Variants in APBB1IP observed in about 807,000 individuals in gnomAD.
APBB1IP encodes the protein amyloid beta A4 precursor protein-binding family B member 1-interacting protein.
Under a neutral mutation model 64.9 loss-of-function variants are expected in APBB1IP, and 27 were observed. That is an observed-to-expected ratio of 0.42 (90% confidence interval 0.31 to 0.57). The LOEUF (loss-of-function observed/expected upper bound fraction) is 0.57, where lower values mean the gene tolerates loss of function less well. Among genes scored for constraint, APBB1IP ranks in the 20% least tolerant of loss-of-function variants. APBB1IP has a pLI of 0.20. For missense variants in APBB1IP, 812 were observed against 845.5 expected (o/e 0.96, Z 0.49); for synonymous variants, 392 against 331.0 (o/e 1.18, Z -2.00).
intron 2 of APBB1IP, among the ~76,000 whole-genome samples, chr10:26,480,125 G>A (rs1280424701): frequency 6.6e-6 from 1 of 152,198 alleles, no homozygotes; most frequent in Non-Finnish European, 1.5e-5. Context: ...GCAAGGAGCA[G>A]AGCAGAGCGT....
intron 8 of APBB1IP, among the ~76,000 whole-genome samples, chr10:26,521,532 C>T (rs904942744): frequency 2.6e-5 from 4 of 152,094 alleles, no homozygotes; most frequent in Admixed American, 2.0e-4. Flanking sequence ...CTGTGCACAG[C>T]TGTGTCATTC....
chr10:26,496,329 C>T lies in APBB1IP; in HGVS notation c.98C>T (p.Pro33Leu), dbSNP rs201471966. The change falls in exon 4 of 15, where the codon CCT becomes CTT. Residue 33 changes from proline (P) to leucine (L), a missense_variant. Pro to Leu is a moderately conservative substitution (Grantham distance 98, BLOSUM62 -3). Coordinates refer to ENST00000376236, the MANE Select transcript of APBB1IP (RefSeq NM_019043.4). ...AGTTTAGGAGTTGACACTCTCCCTC[C>T]TCCTGACCCTAATCCACCCAGAGCT... The part of the protein sequence containing the change: ...TQSLGVDTLP[P>L]PDPNPPRAEF... 1.1e-4 allele frequency: 170 copies of T among 1,612,856 alleles called. No homozygotes were observed. The Middle Eastern group carries it at 1.5e-3, about 14-fold the overall frequency.
At chr10:26,469,372 A>G (rs979421849) in intron 2 of APBB1IP, among the ~76,000 whole-genome samples, 2 of 146,660 alleles carry the variant, frequency 1.4e-5, no homozygotes, top group African/African-American at 5.1e-5. Flanking sequence ...CATTCTCCCA[A>G]CCTCAACCTC....
intron 8 of APBB1IP, 95 bp from the exon 9 acceptor site, chr10:26,533,344 C>A: frequency 1.5e-6 from 1 of 681,536 alleles, no homozygotes; most frequent in Non-Finnish European, 2.3e-6. Context: ...GTTTCACACA[C>A]TTAACATCTT....
At chr10:26,497,113 G>C (rs954593110) in intron 4 of APBB1IP, among the ~76,000 whole-genome samples, 1 of 151,486 alleles carries the variant, frequency 6.6e-6, no homozygotes, top group Non-Finnish European at 1.5e-5. Context: ...GAAGATCAAG[G>C]CTGCACTGAG....
intron 14 of APBB1IP, among the ~76,000 whole-genome samples, chr10:26,564,622 T>TAGAGACAG (rs1837016640): frequency 6.6e-6 from 1 of 151,980 alleles, no homozygotes; most frequent in Non-Finnish European, 1.5e-5. Flanking sequence ...GGCCAATATG[T>TAGAGACAG]AGAAACCCTG....
Position 26,560,214 on chromosome 10 carries a change from G to A in APBB1IP, c.1254+11G>A, listed in dbSNP as rs978467051. 2.5e-6 allele frequency: 4 copies of A among 1,611,716 alleles called. No homozygotes were observed. Among genetic ancestry groups the A allele is most frequent in the Non-Finnish European group, 2.5e-6 (3 of 1,177,878 alleles). On this transcript the variant is annotated intron_variant, in intron 12 of 14. Coordinates refer to ENST00000376236, the MANE Select transcript of APBB1IP (RefSeq NM_019043.4). ...ATACGGATAGCCAAGGTGAGAGAGC[G>A]TTCGGACTTCACCCTGTCTTGAACT...
chr10:26,457,546 G>C (rs1835541227), intron 2 of APBB1IP, among the ~76,000 whole-genome samples: 1 of 152,148 alleles, frequency 6.6e-6, no homozygotes, highest in Non-Finnish European at 1.5e-5. Flanking sequence ...GGGTTTCTCT[G>C]TGCTGACTTT....
intron 11 of APBB1IP, among the ~76,000 whole-genome samples, chr10:26,543,591 G>A (rs1836724904): frequency 6.6e-6 from 1 of 151,878 alleles, no homozygotes; most frequent in Non-Finnish European, 1.5e-5. Flanking sequence ...AATAGTGGTG[G>A]GAATGCGGCA....
At chr10:26,508,332 G>A (rs1176565250) in intron 6 of APBB1IP, among the ~76,000 whole-genome samples, 1 of 150,226 alleles carries the variant, frequency 6.7e-6, no homozygotes, top group Non-Finnish European at 1.5e-5. Flanking sequence ...TACTTTTATT[G>A]TTTTTTTAAA....
chr10:26,443,894 T>C (rs920067108), intron 2 of APBB1IP, among the ~76,000 whole-genome samples: 2 of 152,168 alleles, frequency 1.3e-5, no homozygotes, highest in African/African-American at 2.4e-5. Context: ...TGCTAAGCAC[T>C]ATTATAGACG....
chr10:26,470,003 C>T (rs1162316041), intron 2 of APBB1IP, among the ~76,000 whole-genome samples: 2 of 152,154 alleles, frequency 1.3e-5, no homozygotes, highest in Admixed American at 1.3e-4. Flanking sequence ...AACACAGGGG[C>T]CAGGTTGTTC....
intron 7 of APBB1IP, 104 bp downstream of exon 7, chr10:26,512,010 A>C: frequency 3.9e-6 from 5 of 1,292,672 alleles, no homozygotes; most frequent in South Asian, 3.0e-5. Flanking sequence ...TTATATAAAA[A>C]ATAGACACAT....
At chr10:26,512,320 T>C (rs1375239990) in intron 7 of APBB1IP, among the ~76,000 whole-genome samples, 2 of 152,134 alleles carry the variant, frequency 1.3e-5, no homozygotes, top group Non-Finnish European at 2.9e-5. Context: ...GGCTGGATGA[T>C]ACTTACTAAG....
intron 2 of APBB1IP, among the ~76,000 whole-genome samples, chr10:26,455,300 C>T (rs577849172): frequency 7.9e-4 from 120 of 152,162 alleles, no homozygotes; most frequent in African/African-American, 2.7e-3. Context: ...GAGGCCGAGG[C>T]GGGCGGATCA....
At chr10:26,490,486 G>C (rs1835942021) in intron 2 of APBB1IP, among the ~76,000 whole-genome samples, 1 of 151,992 alleles carries the variant, frequency 6.6e-6, no homozygotes. Flanking sequence ...TTAACCAGGT[G>C]TGGTGGGGCA....
intron 11 of APBB1IP, among the ~76,000 whole-genome samples, chr10:26,543,935 T>C (rs1392623830): frequency 6.6e-6 from 1 of 152,174 alleles, no homozygotes; most frequent in African/African-American, 2.4e-5. Context: ...CTGATTCTGC[T>C]CCTCGCCCCT....
At chr10:26,473,407 C>A (rs1328015169) in intron 2 of APBB1IP, among the ~76,000 whole-genome samples, 1 of 152,228 alleles carries the variant, frequency 6.6e-6, no homozygotes, top group African/African-American at 2.4e-5. Context: ...GCTGGCCTGT[C>A]CTGTGAACAG....
chr10:26,560,720 C>T lies in APBB1IP; in HGVS notation c.1255-10C>T. On this transcript the variant is annotated splice_polypyrimidine_tract_variant and intron_variant, in intron 12 of 14. Transcript: ENST00000376236. Reference sequence around the variant, plus strand: ...ATTCCTTTCCTTCTTCCTTTGTGTTCTCTCCCCAGTATGGGAAGACTCTCT... The same window carrying T: ...ATTCCTTTCCTTCTTCCTTTGTGTTTTCTCCCCAGTATGGGAAGACTCTCT... 1.3e-6 allele frequency: 2 copies of T among 1,553,414 alleles called. No individual in the cohort carries two copies. The highest frequency in any genetic ancestry group is 1.2e-5 in the South Asian group (1 of 85,108).
Sources: gnomAD v4.1 joint callset for allele counts (sites outside exome capture counted in the v4.1 genomes callset) on GRCh38, gnomAD v4.1.1 for gene constraint, MANE v1.5 for transcripts, NCBI Gene and HGNC (gene_info 2026-07-23, HGNC 2026-07-21) for gene names.